DIAPH1: variants seen among roughly 807,000 people sequenced by gnomAD.
DIAPH1 encodes diaphanous related formin 1, also known as protein diaphanous homolog 1.
In DIAPH1, 46 loss-of-function variants were observed where a neutral mutation model predicts 140.7. The observed-to-expected ratio is 0.33, with a 90% CI of 0.26 to 0.42. The LOEUF is 0.42. Among genes scored for constraint, DIAPH1 ranks in the 10% least tolerant of loss-of-function variants. DIAPH1 has a pLI of 1.00. For synonymous variants in DIAPH1, 565 were observed against 551.6 expected (o/e 1.02, Z -0.34); for missense variants, 1,310 against 1,558.7 (o/e 0.84, Z 2.69).
chr5:141,538,780 T>C (rs542269839), intron 18 of DIAPH1, among the ~76,000 whole-genome samples: 1 of 152,236 alleles, frequency 6.6e-6, no homozygotes, highest in African/African-American at 2.4e-5. Flanking sequence ...TTTCGCCACT[T>C]TGCCCAGGCT....
chr5:141,570,411 G>A (rs1265135964), intron 18 of DIAPH1, among the ~76,000 whole-genome samples: 1 of 152,100 alleles, frequency 6.6e-6, no homozygotes, highest in Non-Finnish European at 1.5e-5. Context: ...GGCATGGAAG[G>A]TGACAATTTT....
Position 141,578,565 on chromosome 5 carries a change from C to T in DIAPH1, c.994G>A (p.Val332Ile), listed in dbSNP as rs1339571940. ...CGCATCAGTTCACTTCTGATGTGAA[C>T]TCGGAAGTCAAGTTCCTCCGCTGGT... ...ITPAEELDFRVHIRSELMRLG... is the reference protein window; with the variant it reads ...ITPAEELDFRIHIRSELMRLG... Residue 332 changes from valine (V) to isoleucine (I), a missense_variant, in exon 10 of 28, where the codon GTT (valine) becomes ATT (isoleucine). Val to Ile is a conservative substitution (Grantham distance 29). Coordinates refer to ENST00000389054, the MANE Select transcript of DIAPH1 (RefSeq NM_005219.5). 6.2e-7 allele frequency: 1 copy of T among 1,613,958 alleles called. No individual in the cohort carries two copies.
chr5:141,601,249 TA>T (rs1249191743), intron 1 of DIAPH1, among the ~76,000 whole-genome samples: 1 of 133,150 alleles, frequency 7.5e-6, no homozygotes, highest in African/African-American at 2.8e-5. Flanking sequence ...AAAATAAAAA[TA>T]AAATAAAAAT....
chr5:141,571,506 T>G, intron 17 of DIAPH1, 70 bp from the exon 18 acceptor site: 1 of 1,343,644 alleles, frequency 7.4e-7, no homozygotes, highest in Non-Finnish European at 1.1e-6. Flanking sequence ...AGAAAAGGAA[T>G]CACATATGGT....
chr5:141,553,106 C>T (rs142106607), intron 18 of DIAPH1, among the ~76,000 whole-genome samples: 320 of 151,708 alleles, frequency 2.1e-3, no homozygotes, highest in African/African-American at 7.5e-3. Flanking sequence ...CTAGCCAACA[C>T]GGTGAAAAAA....
At chr5:141,517,770 G>A (rs564562983) in intron 27 of DIAPH1, among the ~76,000 whole-genome samples, 8 of 152,164 alleles carry the variant, frequency 5.3e-5, no homozygotes, top group Non-Finnish European at 1.2e-4. Context: ...CTCAGCCCAG[G>A]TGGCTAAGAG....
At chr5:141,611,547 CT>C (rs1489650744) in intron 1 of DIAPH1, among the ~76,000 whole-genome samples, 22 of 152,024 alleles carry the variant, frequency 1.4e-4, no homozygotes, top group Admixed American at 4.6e-4. Context: ...CAGAGTGAGA[CT>C]ACCATTTCAA....
intron 1 of DIAPH1, among the ~76,000 whole-genome samples, chr5:141,599,084 T>C (rs1192473607): frequency 6.6e-6 from 1 of 152,212 alleles, no homozygotes; most frequent in Admixed American, 6.5e-5. Flanking sequence ...CAACTAAGCA[T>C]GGTCTCTTGG....
At chr5:141,568,642 G>T (rs1036974759) in intron 18 of DIAPH1, among the ~76,000 whole-genome samples, 1 of 152,160 alleles carries the variant, frequency 6.6e-6, no homozygotes, top group African/African-American at 2.4e-5. Context: ...CAGAATATGT[G>T]TAACAGGAGA....
At chr5:141,611,171 G>A (rs557071475) in intron 1 of DIAPH1, among the ~76,000 whole-genome samples, 1 of 152,144 alleles carries the variant, frequency 6.6e-6, no homozygotes, top group African/African-American at 2.4e-5. Context: ...GCTGAGCCCA[G>A]GAGTTTCAAG....
At chr5:141,595,524 T>C (rs1408805034) in intron 1 of DIAPH1, among the ~76,000 whole-genome samples, 1 of 152,178 alleles carries the variant, frequency 6.6e-6, no homozygotes, top group African/African-American at 2.4e-5. Context: ...CAGTCTCCCC[T>C]ATGCTGTTCT....
rs898807444 is a variant in DIAPH1 at position 141,527,841 on chromosome 5, C to T, written c.3149-144G>A. On this transcript the variant is annotated intron_variant, in intron 23 of 27. Coordinates refer to ENST00000389054, the MANE Select transcript of DIAPH1 (RefSeq NM_005219.5). ...TTCTGGTACTTAATAATTTTAGTTC[C>T]TTATGTACTTTAGTTGTGTCACATA... 9 of 1,058,964 alleles carry T rather than the reference C, an allele frequency of 8.5e-6. No individual in the cohort carries two copies. In the South Asian group the frequency reaches 1.4e-4, roughly 17 times the overall value. The allele number at this position is 1,058,964 out of a possible 1,614,324, so 65.6% of individuals were successfully genotyped here.
In DIAPH1 at chr5:141,516,033, C is replaced by T. The variant is rs1562274026; in HGVS notation, c.*818G>A. ...AGGTGTTGGGATGGTCACAGTACAA[C>T]CCATAGTCCAGATGAGATGCACCAA... On this transcript the variant is annotated 3_prime_UTR_variant, in exon 28 of 28. Coordinates refer to ENST00000389054, the MANE Select transcript of DIAPH1 (RefSeq NM_005219.5). 6.5e-6 allele frequency: 1 copy of T among 152,712 alleles called. No individual in the cohort carries two copies. The highest frequency in any genetic ancestry group is 1.5e-5 in the Non-Finnish European group (1 of 68,424). 9.5% of individuals were successfully genotyped at this position (152,712 alleles called of 1,614,324 possible). A position where few individuals can be genotyped will look rare whatever the true frequency, so the allele number is the denominator to read the frequency against.
intron 1 of DIAPH1, among the ~76,000 whole-genome samples, chr5:141,610,490 G>A (rs758327147): frequency 1.3e-4 from 19 of 151,978 alleles, no homozygotes; most frequent in Non-Finnish European, 2.5e-4. Flanking sequence ...TAGTAGAGAC[G>A]GGGTTTCACC....
Position 141,569,778 on chromosome 5 carries a change from T to A in DIAPH1, c.2482+1650A>T, listed in dbSNP as rs567847275. Among the ~76,000 whole-genome samples the A allele has an allele frequency of 7.3e-5, 11 of 151,472 alleles. No homozygotes were observed. The South Asian group carries it at 8.3e-4, about 11-fold the overall frequency. On this transcript the variant is annotated intron_variant, in intron 18 of 27. Coordinates refer to ENST00000389054, the MANE Select transcript of DIAPH1 (RefSeq NM_005219.5). ...TCTGTCTCAAAAATAAAAATAAAAA[T>A]AAAAAAAATAAAAGTAGTTAAGGAT...
chr5:141,545,272 A>G (rs1379572976), intron 18 of DIAPH1, among the ~76,000 whole-genome samples: 1 of 152,208 alleles, frequency 6.6e-6, no homozygotes, highest in Non-Finnish European at 1.5e-5. Flanking sequence ...GAATTTTACT[A>G]TATATAAATT....
At chr5:141,574,945 G>A (rs755912664) in intron 15 of DIAPH1, 22 bp downstream of exon 15, 2 of 1,613,854 alleles carry the variant, frequency 1.2e-6, no homozygotes, top group Non-Finnish European at 1.7e-6. Context: ...AGGTCATTCT[G>A]CCTTCCCTGC....
intron 19 of DIAPH1, among the ~76,000 whole-genome samples, chr5:141,532,068 T>G (rs1359229021): frequency 2.0e-5 from 3 of 152,264 alleles, no homozygotes; most frequent in Non-Finnish European, 4.4e-5. Flanking sequence ...TTTACTCAGT[T>G]GTACTCAACT....
intron 1 of DIAPH1, among the ~76,000 whole-genome samples, chr5:141,601,132 C>T (rs1456368383): frequency 6.6e-6 from 1 of 151,994 alleles, no homozygotes; most frequent in Admixed American, 6.6e-5. Context: ...ATGTAAATTA[C>T]AAGTTAACGG....
Sources: gnomAD v4.1 joint callset for allele counts (sites outside exome capture counted in the v4.1 genomes callset) on GRCh38, gnomAD v4.1.1 for gene constraint, MANE v1.5 for transcripts, NCBI Gene and HGNC (gene_info 2026-07-23, HGNC 2026-07-21) for gene names.